Variants in OTUD7A observed in about 807,000 individuals in gnomAD.
The protein encoded by OTUD7A is OTU domain-containing protein 7A.
A neutral mutation model predicts 65.7 loss-of-function variants in OTUD7A; 12 were observed. That is an observed-to-expected ratio of 0.18 (90% CI 0.12 to 0.30). The LOEUF (loss-of-function observed/expected upper bound fraction) is 0.30, where lower values mean the gene tolerates loss of function less well. Among genes scored for constraint, OTUD7A ranks in the 10% least tolerant of loss-of-function variants. The pLI is 1.00. For synonymous variants in OTUD7A, 641 were observed against 586.3 expected, an observed-to-expected ratio of 1.09 and a Z score of -1.35; for missense variants, 1,148 against 1,304.8, an observed-to-expected ratio of 0.88 and a Z score of 1.85.
chr15:31,753,700 T>TGTG (rs1894710518), intron 1 of OTUD7A, among the ~76,000 whole-genome samples: 4 of 17,386 alleles, frequency 2.3e-4, no homozygotes, highest in Admixed American at 1.0e-3. Flanking sequence ...TATATATATA[T>TGTG]ATTATATATA....
chr15:31,701,739 C>T (rs868543728), intron 1 of OTUD7A, among the ~76,000 whole-genome samples: 8 of 152,186 alleles, frequency 5.3e-5, no homozygotes, highest in African/African-American at 1.9e-4. Flanking sequence ...TATGAATTAA[C>T]ACCTATTCTA....
At chr15:31,704,994 C>T (rs1417168744) in intron 1 of OTUD7A, among the ~76,000 whole-genome samples, 4 of 148,858 alleles carry the variant, frequency 2.7e-5, no homozygotes, top group Admixed American at 1.4e-4. Flanking sequence ...CAGAAATTAA[C>T]GTTCTCAGGC....
At chr15:31,863,421 G>T (rs1897796585) in intron 1 of OTUD7A, among the ~76,000 whole-genome samples, 1 of 152,224 alleles carries the variant, frequency 6.6e-6, no homozygotes, top group South Asian at 2.1e-4. Flanking sequence ...TTTTACCTGG[G>T]CATCCAGGCA....
intron 3 of OTUD7A, among the ~76,000 whole-genome samples, chr15:31,609,739 G>A (rs1035323244): frequency 2.0e-5 from 3 of 152,108 alleles, no homozygotes; most frequent in Non-Finnish European, 4.4e-5. Flanking sequence ...TCTCGAAAGC[G>A]CTACCTCCCG....
At chr15:31,486,736 C>T (rs1014420483) in intron 12 of OTUD7A, among the ~76,000 whole-genome samples, 1 of 152,246 alleles carries the variant, frequency 6.6e-6, no homozygotes, top group African/African-American at 2.4e-5. Flanking sequence ...GCTCTCAGTT[C>T]CCTGGCTTTT....
At chr15:31,628,251 T>A (rs1169940854) in intron 3 of OTUD7A, among the ~76,000 whole-genome samples, 4 of 152,350 alleles carry the variant, frequency 2.6e-5, no homozygotes, top group Admixed American at 1.3e-4. Context: ...CTTTAGTCTA[T>A]CTTGAATTAA....
At chr15:31,799,990 A>G (rs1322815873) in intron 1 of OTUD7A, among the ~76,000 whole-genome samples, 1 of 152,072 alleles carries the variant, frequency 6.6e-6, no homozygotes, top group African/African-American at 2.4e-5. Flanking sequence ...CTGAAACCAC[A>G]CTTCAGACGC....
At chr15:31,670,334 T>C (rs1157874656) in intron 1 of OTUD7A, among the ~76,000 whole-genome samples, 2 of 152,230 alleles carry the variant, frequency 1.3e-5, no homozygotes, top group Non-Finnish European at 2.9e-5. Context: ...TTTCTGGTTC[T>C]AGGTCTTTGA....
intron 1 of OTUD7A, among the ~76,000 whole-genome samples, chr15:31,837,647 T>C (rs543840312): frequency 1.3e-5 from 2 of 152,296 alleles, no homozygotes; most frequent in South Asian, 4.1e-4. Flanking sequence ...ATGAAAGATA[T>C]AGAAGAATAA....
intron 1 of OTUD7A, among the ~76,000 whole-genome samples, chr15:31,820,122 G>A (rs754996653): frequency 2.0e-5 from 3 of 152,080 alleles, no homozygotes; most frequent in Non-Finnish European, 4.4e-5. Context: ...TCATATCACA[G>A]GAAGCAACAA....
intron 1 of OTUD7A, among the ~76,000 whole-genome samples, chr15:31,821,238 C>T (rs1414714402): frequency 6.9e-6 from 1 of 144,040 alleles, no homozygotes; most frequent in African/African-American, 2.6e-5. Context: ...CGGGTTCAAG[C>T]GATTCTCCTG....
chr15:31,748,277 T>C (rs1039573934), intron 1 of OTUD7A, among the ~76,000 whole-genome samples: 1 of 151,986 alleles, frequency 6.6e-6, no homozygotes, highest in Non-Finnish European at 1.5e-5. Flanking sequence ...TAAAGGGGCA[T>C]GATGTCTCTA....
At chr15:31,761,328 T>G (rs1253505749) in intron 1 of OTUD7A, among the ~76,000 whole-genome samples, 1 of 151,938 alleles carries the variant, frequency 6.6e-6, no homozygotes, top group Non-Finnish European at 1.5e-5. Flanking sequence ...AACTCAATAA[T>G]AAAAACACAA....
chr15:31,601,589 G>C (rs1432560604), intron 3 of OTUD7A, among the ~76,000 whole-genome samples: 2 of 151,932 alleles, frequency 1.3e-5, no homozygotes, highest in Non-Finnish European at 2.9e-5. Flanking sequence ...GCTAGCAGAA[G>C]ACAAGAAAAA....
At chr15:31,786,465 G>A (rs555519794) in intron 1 of OTUD7A, among the ~76,000 whole-genome samples, 10 of 152,296 alleles carry the variant, frequency 6.6e-5, no homozygotes, top group Non-Finnish European at 1.2e-4. Flanking sequence ...TGTGTGGCAC[G>A]TCTGTGTGTG....
chr15:31,558,885 C>A, intron 5 of OTUD7A, 84 bp downstream of exon 5: 1 of 1,434,036 alleles, frequency 7.0e-7, no homozygotes. Context: ...AACATGTGCC[C>A]TTCTCTTGCT....
At chr15:31,507,557 G>A (rs993117818) in intron 8 of OTUD7A, among the ~76,000 whole-genome samples, 1 of 152,198 alleles carries the variant, frequency 6.6e-6, no homozygotes, top group African/African-American at 2.4e-5. Flanking sequence ...GCAGCAGCAA[G>A]ATTTATTGTG....
intron 1 of OTUD7A, among the ~76,000 whole-genome samples, chr15:31,722,523 G>A (rs1432742867): frequency 6.6e-6 from 1 of 152,232 alleles, no homozygotes; most frequent in African/African-American, 2.4e-5. Flanking sequence ...ACAGCCACGT[G>A]GCATGGAGTG....
At chr15:31,521,894 C>T (rs149213420) in intron 8 of OTUD7A, among the ~76,000 whole-genome samples, 1 of 152,316 alleles carries the variant, frequency 6.6e-6, no homozygotes, top group African/African-American at 2.4e-5. Flanking sequence ...ACTGGCCTCT[C>T]AGCTTCCACT....
Sources: allele counts gnomAD v4.1 joint callset (sites outside exome capture counted in the v4.1 genomes callset), GRCh38; gene constraint gnomAD v4.1.1; transcripts MANE v1.5; gene names NCBI Gene and HGNC (gene_info 2026-07-23, HGNC 2026-07-21).